CALM3: variants seen among roughly 807,000 people sequenced by gnomAD.
CALM3 encodes calmodulin-3.
CALM3 carries 5 observed loss-of-function variants against 20.1 expected under a neutral mutation model. That is an observed-to-expected ratio of 0.25 (90% confidence interval 0.13 to 0.52). CALM3 has a LOEUF of 0.52. Among genes scored for constraint, CALM3 ranks in the 20% least tolerant of loss-of-function variants. CALM3 has a pLI of 0.96. For missense variants in CALM3, 57 were observed against 192.8 expected (o/e 0.30, Z 4.17); for synonymous variants, 69 against 68.1 (o/e 1.01, Z -0.06).
chr19:46,602,603 C>G (rs1007586305), intron 1 of CALM3: 1 of 201,650 alleles, frequency 5.0e-6, no homozygotes, highest in Non-Finnish European at 1.0e-5. Flanking sequence ...TCAGGAAGAA[C>G]GCGGCTGGGT....
Position 46,608,413 on chromosome 19 carries a change from G to T in CALM3, c.179-69G>T, listed in dbSNP as rs1483934682. The T allele has an allele frequency of 2.5e-6, 4 of 1,609,868 alleles. No homozygotes were observed. Among genetic ancestry groups the T allele is most frequent in the Non-Finnish European group, 8.5e-7 (1 of 1,176,396 alleles). The stretch of plus-strand genomic sequence containing the variant: ...GTGACTGCAGGGAGCCTCTCTCAGG[G>T]TGATGGATGAGCCCGTGTCTCTCAG... On this transcript the variant is annotated intron_variant, in intron 3 of 5. Transcript: ENST00000291295. This position sits in a 1 kb window ranked among gnomAD's most constrained non-coding sequence, Gnocchi z 5.5.
rs1003514568 is a variant in CALM3, at chr19:46,608,190, C to T, written c.35-7C>T. The T allele has an allele frequency of 1.2e-6, 2 of 1,612,536 alleles. No homozygotes were observed. Among genetic ancestry groups the T allele is most frequent in the Non-Finnish European group, 8.5e-7 (1 of 1,179,208 alleles). ...TGACCTCTGACTCCTCCCCCTTCTT[C>T]CCCCAGAGTTCAAGGAGGCCTTCTC... is the stretch of plus-strand genomic sequence containing the variant. On this transcript the variant is annotated splice_region_variant and splice_polypyrimidine_tract_variant and intron_variant, in intron 2 of 5. Coordinates refer to ENST00000291295, the MANE Select transcript of CALM3 (RefSeq NM_005184.4). This position sits in a 1 kb window ranked among gnomAD's most constrained non-coding sequence, Gnocchi z 5.5.
At chr19:46,604,715 C>A (rs769744029) in intron 1 of CALM3, among the ~76,000 whole-genome samples, 8 of 151,956 alleles carry the variant, frequency 5.3e-5, no homozygotes, top group African/African-American at 1.9e-4. Context: ...CTCTCAGACT[C>A]GAGACTAGAA....
At position 46,605,318 on chromosome 19, in the gene CALM3, C is replaced by G. The variant is rs545169373; in HGVS notation, c.4-509C>G. 6.5e-6 allele frequency: 1 copy of G among 153,714 alleles called. No homozygotes were observed. The highest frequency in any genetic ancestry group is 6.5e-5 in the Admixed American group (1 of 15,354). The allele number at this position is 153,714 out of a possible 1,614,324, so 9.5% of individuals were successfully genotyped here. On this transcript the variant is annotated intron_variant, in intron 1 of 5. Transcript: ENST00000291295. The surrounding 1 kb of genome is among the most constrained non-coding windows in gnomAD (Gnocchi z 4.1). ...CGCCTCCAAATAGGTGACACAGAAA[C>G]TAGCAGAGATAGCCCCAGACATCGT...
intron 2 of CALM3, among the ~76,000 whole-genome samples, chr19:46,607,516 C>G (rs1236141113): frequency 6.6e-6 from 1 of 152,210 alleles, no homozygotes; most frequent in East Asian, 1.9e-4. Context: ...GTGGCCTTCC[C>G]ACTCAGCACT....
At position 46,608,833 on chromosome 19, in the gene CALM3, C is replaced by T; in HGVS notation, c.286-13C>T. 6.5e-7 allele frequency: 1 copy of T among 1,542,006 alleles called. No individual in the cohort carries two copies. On this transcript the variant is annotated splice_polypyrimidine_tract_variant and intron_variant, in intron 4 of 5. Transcript: ENST00000291295. The surrounding 1 kb of genome is among the most constrained non-coding windows in gnomAD (Gnocchi z 5.5). ...AGAAGTGCCCAGTGAAAGGCTTTAT[C>T]CCCAACCCCCAGGATGGGAATGGCT...
chr19:46,602,053 G>C (rs1282110315), intron 1 of CALM3: 3 of 1,274,132 alleles, frequency 2.4e-6, no homozygotes, highest in Non-Finnish European at 3.1e-6. Flanking sequence ...GTGGGGGAGG[G>C]TGGTCTCCAG....
chr19:46,606,334 G>C (rs1971742493), intron 2 of CALM3: 1 of 157,862 alleles, frequency 6.3e-6, no homozygotes. Context: ...TCTGCTGGCG[G>C]AAGTGCCTCC....
chr19:46,608,720 T>C lies in CALM3; in HGVS notation c.286-126T>C. 7.7e-7 allele frequency: 1 copy of C among 1,299,522 alleles called. No individual in the cohort carries two copies. Among genetic ancestry groups the C allele is most frequent in the Non-Finnish European group, 1.1e-6 (1 of 937,640 alleles). The allele number at this position is 1,299,522 out of a possible 1,614,324, so 80.5% of individuals were successfully genotyped here. ...TGCCAGCCTCATTGCCAACCTGCTCTGCCACCTCAGGCAGCCTCCCTCACT... is the reference window on the plus strand; with the variant it reads ...TGCCAGCCTCATTGCCAACCTGCTCCGCCACCTCAGGCAGCCTCCCTCACT... On this transcript the variant is annotated intron_variant, in intron 4 of 5. Coordinates refer to ENST00000291295, the MANE Select transcript of CALM3 (RefSeq NM_005184.4). This position sits in a 1 kb window ranked among gnomAD's most constrained non-coding sequence, Gnocchi z 5.5.
At chr19:46,601,328 G>C, upstream of CALM3, 1 of 1,136,028 alleles carries the variant, frequency 8.8e-7, no homozygotes, top group Non-Finnish European at 1.2e-6. This position sits in a 1 kb window ranked among gnomAD's most constrained non-coding sequence, Gnocchi z 4.2. Flanking sequence ...CGCGCTGCGG[G>C]CAGTGAGTGT....
chr19:46,605,664 CGCTGG>C lies in CALM3; in HGVS notation c.4-162_4-158del, dbSNP rs1468388181. ...TGAATCACCAGACTTTATCATCAGG[CGCTGG>C]CTCTGCCTCAGACCCTGACTCTGGC... On this transcript the variant is annotated intron_variant, in intron 1 of 5. Transcript: ENST00000291295. The surrounding 1 kb of genome is among the most constrained non-coding windows in gnomAD (Gnocchi z 4.1). Among the ~76,000 whole-genome samples, 3 of 152,242 alleles carry C rather than the reference CGCTGG, an allele frequency of 2.0e-5. No individual in the cohort carries two copies. The highest frequency in any genetic ancestry group is 4.8e-5 in the African/African-American group (2 of 41,466).
Position 46,608,701 on chromosome 19 carries a change from C to A in CALM3, c.285+113C>A. 7.9e-7 allele frequency: 1 copy of A among 1,257,974 alleles called. No homozygotes were observed. The highest frequency in any genetic ancestry group is 1.1e-6 in the Non-Finnish European group (1 of 893,558). The allele number at this position is 1,257,974 out of a possible 1,614,324, so 77.9% of individuals were successfully genotyped here. A position where few individuals can be genotyped will look rare whatever the true frequency, so the allele number is the denominator to read the frequency against. On this transcript the variant is annotated intron_variant, in intron 4 of 5. Transcript: ENST00000291295. This position sits in a 1 kb window ranked among gnomAD's most constrained non-coding sequence, Gnocchi z 5.5. ...CAGGAGGTCCGGGTCCCGGTGCCAG[C>A]CTCATTGCCAACCTGCTCTGCCACC...
At chr19:46,606,658 A>G (rs1258634426) in intron 2 of CALM3, among the ~76,000 whole-genome samples, 1 of 152,144 alleles carries the variant, frequency 6.6e-6, no homozygotes, top group Non-Finnish European at 1.5e-5. Flanking sequence ...TCTCTCTCTC[A>G]GCAAGCTAGA....
Position 46,609,579 on chromosome 19 carries a change from C to A in CALM3, c.*426C>A. On this transcript the variant is annotated 3_prime_UTR_variant, in exon 6 of 6. Transcript: ENST00000291295. ...GACCTGCTGGGAGGGACAAGAGGCC[C>A]TCCCCCAGGCAGAAGAGCATGCCCT... 5.1e-6 allele frequency: 1 copy of A among 194,646 alleles called. No individual in the cohort carries two copies. Among genetic ancestry groups the A allele is most frequent in the Non-Finnish European group, 1.1e-5 (1 of 94,772 alleles). 12.1% of individuals were successfully genotyped at this position (194,646 alleles called of 1,614,324 possible). A position where few individuals can be genotyped will look rare whatever the true frequency, so the allele number is the denominator to read the frequency against.
rs146819515 is a variant in CALM3, at chr19:46,608,866, C to T, written c.306C>T (p.Ser102=). ...CCCAGGATGGGAATGGCTACATCAG[C>T]GCCGCAGAGCTGCGTCACGTAATGA... The part of the protein sequence containing the change: ...VFDKDGNGYI[S]AAELRHVMTN... The change falls in exon 5 of 6, where the codon AGC becomes AGT. Residue 102 remains serine (S), a synonymous_variant. Transcript: ENST00000291295. This position sits in a 1 kb window ranked among gnomAD's most constrained non-coding sequence, Gnocchi z 5.5. The T allele has an allele frequency of 4.8e-4, 755 of 1,574,092 alleles. 1 individual carries two copies. The African/African-American group carries it at 6.8e-3, about 14-fold the overall frequency.
In CALM3 at chr19:46,608,219, C is replaced by A. The variant is rs1476616729; in HGVS notation, c.57C>A (p.Leu19=). The A allele has an allele frequency of 6.2e-7, 1 of 1,614,052 alleles. No individual in the cohort carries two copies. Among genetic ancestry groups the A allele is most frequent in the East Asian group, 2.2e-5 (1 of 44,876 alleles). ...CAGAGTTCAAGGAGGCCTTCTCCCT[C>A]TTTGACAAGGATGGAGATGGCACTA... ...QIAEFKEAFS[L]FDKDGDGTIT... Residue 19 remains leucine, a synonymous_variant, in exon 3 of 6, where the codon CTC becomes CTA. Coordinates refer to ENST00000291295, the MANE Select transcript of CALM3 (RefSeq NM_005184.4). This position sits in a 1 kb window ranked among gnomAD's most constrained non-coding sequence, Gnocchi z 5.5.
chr19:46,606,110 A>G, intron 2 of CALM3: 1 of 453,042 alleles, frequency 2.2e-6, no homozygotes, highest in South Asian at 2.5e-5. Flanking sequence ...GGCCTGGGTC[A>G]TCTAGGGGCT....
At position 46,609,276 on chromosome 19, in the gene CALM3, T is replaced by TC; in HGVS notation, c.*124dup. 1 of 887,608 alleles carries TC rather than the reference T, an allele frequency of 1.1e-6. No homozygotes were observed. Among genetic ancestry groups the TC allele is most frequent in the Non-Finnish European group, 1.8e-6 (1 of 551,004 alleles). The allele number at this position is 887,608 out of a possible 1,614,324, so 55.0% of individuals were successfully genotyped here. On this transcript the variant is annotated 3_prime_UTR_variant, in exon 6 of 6. Coordinates refer to ENST00000291295, the MANE Select transcript of CALM3 (RefSeq NM_005184.4). ...CAAACACCAATTGATTGACTGAGAA[T>TC]CTGATAAAGCAACAAAAGATTTGTC...
chr19:46,608,243 T>C lies in CALM3; in HGVS notation c.81T>C (p.Thr27=), dbSNP rs773251048. The change falls in exon 3 of 6, where the codon ACT becomes ACC. Residue 27 remains threonine, a synonymous_variant. Transcript: ENST00000291295. This position sits in a 1 kb window ranked among gnomAD's most constrained non-coding sequence, Gnocchi z 5.5. ...TCTTTGACAAGGATGGAGATGGCACTATCACCACCAAGGAGTTGGGGACAG... is the reference window on the plus strand; with the variant it reads ...TCTTTGACAAGGATGGAGATGGCACCATCACCACCAAGGAGTTGGGGACAG... ...FSLFDKDGDG[T]ITTKELGTVM... The C allele has an allele frequency of 6.2e-7, 1 of 1,614,044 alleles. No individual in the cohort carries two copies. Among genetic ancestry groups the C allele is most frequent in the Non-Finnish European group, 8.5e-7 (1 of 1,179,906 alleles).
Sources: allele counts gnomAD v4.1 joint callset (sites outside exome capture counted in the v4.1 genomes callset), GRCh38; gene constraint gnomAD v4.1.1; non-coding constraint Gnocchi (gnomAD v3.1); transcripts MANE v1.5; gene names NCBI Gene and HGNC (gene_info 2026-07-23, HGNC 2026-07-21).